Variants in RBFOX1 observed in about 807,000 individuals in gnomAD.
RBFOX1 encodes the protein RNA binding fox-1 homolog 1, also known as RNA binding protein fox-1 homolog 1.
In RBFOX1, 8 loss-of-function variants were observed where a neutral mutation model predicts 57.7. That is an observed-to-expected ratio of 0.14 (90% confidence interval 0.08 to 0.25). The LOEUF (loss-of-function observed/expected upper bound fraction) is 0.25, where lower values mean the gene tolerates loss of function less well. RBFOX1 is among the 10% of genes least tolerant of loss of function. The probability of loss-of-function intolerance (pLI) is 1.00; values close to 1 mark genes in which losing one functional copy is unlikely to be tolerated. For missense variants in RBFOX1, 611 were observed against 548.5 expected, an observed-to-expected ratio of 1.11 and a Z score of -1.14; for synonymous variants, 326 against 222.4, an observed-to-expected ratio of 1.47 and a Z score of -4.15.
intron 3 of RBFOX1, among the ~76,000 whole-genome samples, chr16:6,836,838 G>C (rs2141268245): frequency 6.6e-6 from 1 of 152,288 alleles, no homozygotes. Context: ...TATTATGTGT[G>C]AGTCCATGAT....
intron 3 of RBFOX1, among the ~76,000 whole-genome samples, chr16:6,804,821 A>T (rs748513395): frequency 2.6e-5 from 4 of 152,188 alleles, no homozygotes; most frequent in African/African-American, 9.7e-5. Context: ...CTGACTTCTT[A>T]TAGGTAAAGT....
intron 2 of RBFOX1, among the ~76,000 whole-genome samples, chr16:6,329,318 C>T (rs868056664): frequency 6.6e-6 from 1 of 152,182 alleles, no homozygotes; most frequent in East Asian, 1.9e-4. Context: ...GAGATAGGTT[C>T]TGCTAATTAT....
At chr16:7,207,918 C>G (rs1182302974) in intron 4 of RBFOX1, among the ~76,000 whole-genome samples, 1 of 152,158 alleles carries the variant, frequency 6.6e-6, no homozygotes, top group Non-Finnish European at 1.5e-5. Context: ...AGGGTGCATC[C>G]TCTCCTTCCT....
intron 4 of RBFOX1, among the ~76,000 whole-genome samples, chr16:5,989,320 G>T (rs1207701221): frequency 6.6e-6 from 1 of 152,018 alleles, no homozygotes; most frequent in Admixed American, 6.6e-5. Flanking sequence ...GACAGAGCAA[G>T]ACTCTGTCTG....
intron 4 of RBFOX1, 25 bp downstream of exon 4, chr16:7,052,123 C>T: frequency 3.2e-6 from 5 of 1,586,330 alleles, no homozygotes; most frequent in Non-Finnish European, 4.3e-6. Flanking sequence ...TTGTAAAATG[C>T]TTCCTGATTC....
intron 3 of RBFOX1, among the ~76,000 whole-genome samples, chr16:6,860,382 C>A (rs775361306): frequency 2.0e-5 from 3 of 152,132 alleles, no homozygotes; most frequent in African/African-American, 4.8e-5. Context: ...TTTGTTATTT[C>A]AAACTCTTCA....
intron 3 of RBFOX1, among the ~76,000 whole-genome samples, chr16:5,795,943 G>A (rs373650077): frequency 1.3e-5 from 2 of 152,200 alleles, no homozygotes; most frequent in South Asian, 2.1e-4. Flanking sequence ...CTCACCAGTT[G>A]CATCAATAGT....
chr16:5,892,104 T>C (rs2058058240), intron 4 of RBFOX1, among the ~76,000 whole-genome samples: 2 of 152,196 alleles, frequency 1.3e-5, no homozygotes, highest in Non-Finnish European at 2.9e-5. Context: ...ACGGCACTTA[T>C]ATTCTAGCAG....
In RBFOX1 at chr16:7,712,166, T is replaced by G. The variant is rs573446335; in HGVS notation, c.*1421T>G. On this transcript the variant is annotated 3_prime_UTR_variant, in exon 16 of 16. Transcript: ENST00000550418. Reference sequence around the variant, plus strand: ...TCTGTTTGAACTTTCCACGTTGTCCTGTTTACAAGTTAACTTAAGTTGGGG... The same window carrying G: ...TCTGTTTGAACTTTCCACGTTGTCCGGTTTACAAGTTAACTTAAGTTGGGG... The G allele has an allele frequency of 1.3e-5, 2 of 152,782 alleles. No homozygotes were observed. The highest frequency in any genetic ancestry group is 4.8e-5 in the African/African-American group (2 of 41,580). 9.5% of individuals were successfully genotyped at this position (152,782 alleles called of 1,614,324 possible). A position where few individuals can be genotyped will look rare whatever the true frequency, so the allele number is the denominator to read the frequency against.
At chr16:6,323,172 C>T (rs917863190) in intron 2 of RBFOX1, among the ~76,000 whole-genome samples, 1 of 152,140 alleles carries the variant, frequency 6.6e-6, no homozygotes, top group African/African-American at 2.4e-5. Context: ...ATAACAATTC[C>T]TTCTGCTTCT....
At chr16:6,699,095 A>G (rs911108621) in intron 3 of RBFOX1, among the ~76,000 whole-genome samples, 1 of 152,120 alleles carries the variant, frequency 6.6e-6, no homozygotes, top group African/African-American at 2.4e-5. Flanking sequence ...CATAACCAGC[A>G]TGCAGCCATC....
At chr16:6,039,365 A>C (rs1028683339) in intron 1 of RBFOX1, among the ~76,000 whole-genome samples, 4 of 145,088 alleles carry the variant, frequency 2.8e-5, no homozygotes, top group African/African-American at 1.0e-4. Flanking sequence ...AAAAAAAAAA[A>C]CAGAACAAAA....
At chr16:5,681,383 T>A (rs1310834839) in intron 3 of RBFOX1, among the ~76,000 whole-genome samples, 2 of 146,080 alleles carry the variant, frequency 1.4e-5, no homozygotes, top group African/African-American at 5.2e-5. Flanking sequence ...CGTGCCCAGC[T>A]TTTTTCTTTT....
At chr16:6,705,639 T>G (rs1009364603) in intron 3 of RBFOX1, 5 of 152,070 alleles carry the variant, frequency 3.3e-5, no homozygotes, top group Non-Finnish European at 7.4e-5. Flanking sequence ...TAGCAAATAT[T>G]TTACAGTGCA....
chr16:7,561,735 TGTTCAGGGAGATCAGTGCCATCTTAA>T (rs1567836623), intron 5 of RBFOX1, among the ~76,000 whole-genome samples: 1 of 152,224 alleles, frequency 6.6e-6, no homozygotes, highest in Non-Finnish European at 1.5e-5. Context: ...AACCCAGGGA[TGTTCAGGGAGATCAGTGCCATCTTAA>T]ATTCATCACC....
intron 14 of RBFOX1, among the ~76,000 whole-genome samples, 176 bp from the exon 15 acceptor site, chr16:7,708,880 A>G (rs143110513): frequency 6.6e-6 from 1 of 152,326 alleles, no homozygotes; most frequent in Non-Finnish European, 1.5e-5. Flanking sequence ...TAAATGCACA[A>G]AAAATGTATC....
intron 1 of RBFOX1, 132 bp downstream of exon 1, chr16:6,020,124 C>A (rs1441839609): frequency 1.8e-6 from 2 of 1,103,778 alleles, no homozygotes; most frequent in Admixed American, 3.5e-5. Context: ...GCGCTCTGGA[C>A]GGGAACTTTT....
At position 7,566,254 on chromosome 16, in the gene RBFOX1, C is replaced by G. The variant is rs893582533; in HGVS notation, c.271-13523C>G. Among the ~76,000 whole-genome samples, 6 of 152,124 alleles carry G rather than the reference C, an allele frequency of 3.9e-5. No homozygotes were observed. In the South Asian group the frequency reaches 6.2e-4, roughly 16 times the overall value. On this transcript the variant is annotated intron_variant, in intron 5 of 15. Coordinates refer to ENST00000550418, the MANE Select transcript of RBFOX1 (RefSeq NM_018723.4). ...AGTTCAAACCACACAGCTGAAGCAG[C>G]CTGCTTTTGATTGCTTTTTAATTGG...
chr16:5,749,097 C>A (rs1316781299), intron 3 of RBFOX1, among the ~76,000 whole-genome samples: 1 of 152,130 alleles, frequency 6.6e-6, no homozygotes, highest in African/African-American at 2.4e-5. Context: ...ATTTGCTTGT[C>A]TGTAAAGGAT....
Sources: allele counts gnomAD v4.1 joint callset (sites outside exome capture counted in the v4.1 genomes callset), GRCh38; gene constraint gnomAD v4.1.1; transcripts MANE v1.5; gene names NCBI Gene and HGNC (gene_info 2026-07-23, HGNC 2026-07-21).